GRIP1: variants seen among roughly 807,000 people sequenced by gnomAD.
GRIP1 encodes glutamate receptor interacting protein 1.
A neutral mutation model predicts 129.9 loss-of-function variants in GRIP1; 45 were observed. The ratio of observed to expected loss-of-function variants is 0.35; its 90% confidence interval spans 0.27 to 0.44. The LOEUF is 0.44. Among genes scored for constraint, GRIP1 ranks in the 20% least tolerant of loss-of-function variants. The probability of loss-of-function intolerance (pLI) is 1.00; values close to 1 mark genes in which losing one functional copy is unlikely to be tolerated. For synonymous variants in GRIP1, 530 were observed against 520.8 expected (o/e 1.02, Z -0.24); for missense variants, 1,196 against 1,396.8 (o/e 0.86, Z 2.29).
At position 66,392,331 on chromosome 12, in the gene GRIP1, A is replaced by G; in HGVS notation, c.2441T>C (p.Ile814Thr). ...ACCTTGAGTTCCATAGCTGGTGTCT[A>G]TTGCAGACCCATCCCATGAATCCAC... The part of the protein sequence containing the change: ...SAVDSWDGSA[I>T]DTSYGTQGTS... Residue 814 changes from isoleucine (I) to threonine (T), a missense_variant, in exon 19 of 25, where the codon ATA (isoleucine) becomes ACA (threonine). Transcript: ENST00000359742. 1 of 1,610,934 alleles carries G rather than the reference A, an allele frequency of 6.2e-7. No individual in the cohort carries two copies. The highest frequency in any genetic ancestry group is 8.5e-7 in the Non-Finnish European group (1 of 1,177,072).
At chr12:66,649,201 T>A (rs2032603625) in intron 1 of GRIP1, among the ~76,000 whole-genome samples, 1 of 152,228 alleles carries the variant, frequency 6.6e-6, no homozygotes, top group Admixed American at 6.5e-5. Context: ...TCTGGCTCGA[T>A]TCTCTTGATA....
chr12:66,895,575 T>C (rs1202971845), intron 1 of GRIP1, among the ~76,000 whole-genome samples: 1 of 152,188 alleles, frequency 6.6e-6, no homozygotes, highest in Non-Finnish European at 1.5e-5. Context: ...CCCTTGTTTC[T>C]ACCTGAGCCC....
At chr12:66,535,869 T>A (rs995402240) in intron 4 of GRIP1, among the ~76,000 whole-genome samples, 1 of 152,154 alleles carries the variant, frequency 6.6e-6, no homozygotes, top group Non-Finnish European at 1.5e-5. Flanking sequence ...ACAGTACAGA[T>A]CTTTCTCTCA....
At position 66,379,285 on chromosome 12, in the gene GRIP1, G is replaced by T; in HGVS notation, c.2616C>A (p.Ala872=). ...LSYEDWDRST[A]SGFAGAADSA... ...GCATTGGTTGAAAACCTTACCCACT[G>T]GCTGTGGACCGGTCCCAGTCTTCAT... Residue 872 remains alanine (A), a synonymous_variant, in exon 20 of 25, where the codon GCC becomes GCA. Coordinates refer to ENST00000359742, the MANE Select transcript of GRIP1 (RefSeq NM_001366722.1). 1 of 1,613,778 alleles carries T rather than the reference G, an allele frequency of 6.2e-7. No homozygotes were observed. The highest frequency in any genetic ancestry group is 1.1e-5 in the South Asian group (1 of 91,060).
intron 1 of GRIP1, among the ~76,000 whole-genome samples, chr12:67,065,711 A>C (rs1254224234): frequency 6.6e-6 from 1 of 152,234 alleles, no homozygotes; most frequent in Non-Finnish European, 1.5e-5. Context: ...TACTAATCAA[A>C]GGCACACAAG....
chr12:66,723,333 GAC>G (rs1275931835), intron 1 of GRIP1, among the ~76,000 whole-genome samples: 1 of 87,512 alleles, frequency 1.1e-5, no homozygotes, highest in Non-Finnish European at 2.2e-5. Flanking sequence ...TTTTTTTTGA[GAC>G]AGAGTCTCAC....
At chr12:66,954,873 G>A (rs1459516371) in intron 1 of GRIP1, among the ~76,000 whole-genome samples, 1 of 152,094 alleles carries the variant, frequency 6.6e-6, no homozygotes, top group Non-Finnish European at 1.5e-5. Flanking sequence ...GCAAGGAGGG[G>A]AGGAGAAAAG....
chr12:66,663,161 A>T (rs1203852835), intron 1 of GRIP1, among the ~76,000 whole-genome samples: 1 of 151,962 alleles, frequency 6.6e-6, no homozygotes. Flanking sequence ...ATCATTCTTT[A>T]TGTCATTGTT....
chr12:67,014,771 G>A (rs2042761112), intron 1 of GRIP1, among the ~76,000 whole-genome samples: 1 of 152,062 alleles, frequency 6.6e-6, no homozygotes, highest in Non-Finnish European at 1.5e-5. Context: ...CAATTTACTT[G>A]ATCACAGAAA....
At chr12:66,581,761 C>T (rs2063391007) in intron 2 of GRIP1, among the ~76,000 whole-genome samples, 1 of 152,118 alleles carries the variant, frequency 6.6e-6, no homozygotes, top group Admixed American at 6.5e-5. Flanking sequence ...TGGCAATAAT[C>T]AATAGCTTTC....
intron 1 of GRIP1, among the ~76,000 whole-genome samples, chr12:66,876,458 A>C (rs183507082): frequency 1.8e-3 from 273 of 152,188 alleles, no homozygotes; most frequent in Non-Finnish European, 3.4e-3. Context: ...GCCTAAACCT[A>C]GTAAATGACA....
upstream of GRIP1, among the ~76,000 whole-genome samples, chr12:66,682,510 G>C (rs2034625085): frequency 6.6e-6 from 1 of 152,060 alleles, no homozygotes; most frequent in Non-Finnish European, 1.5e-5. Flanking sequence ...CCTTAAGATT[G>C]GCTCAAAGAT....
intron 1 of GRIP1, among the ~76,000 whole-genome samples, chr12:66,611,750 A>T (rs755839578): frequency 2.0e-5 from 3 of 152,126 alleles, no homozygotes; most frequent in Non-Finnish European, 4.4e-5. Flanking sequence ...CCATCAGCAA[A>T]GATAAGCTGG....
chr12:66,685,731 T>C (rs2034761447), intron 1 of GRIP1, among the ~76,000 whole-genome samples: 1 of 152,200 alleles, frequency 6.6e-6, no homozygotes, highest in African/African-American at 2.4e-5. Context: ...TGAAGTAGTT[T>C]ATTGACAGTA....
At chr12:66,658,811 C>A (rs2033325090) in intron 1 of GRIP1, among the ~76,000 whole-genome samples, 1 of 151,706 alleles carries the variant, frequency 6.6e-6, no homozygotes, top group South Asian at 2.1e-4. Flanking sequence ...GTGTTCCCAA[C>A]TACCTGGGAG....
intron 1 of GRIP1, among the ~76,000 whole-genome samples, chr12:66,886,617 A>G (rs1241563932): frequency 2.0e-5 from 3 of 152,152 alleles, no homozygotes; most frequent in African/African-American, 7.2e-5. Context: ...GCTCCCATCT[A>G]CAGCACCCAT....
At chr12:66,521,081 A>G (rs1489605154) in intron 5 of GRIP1, among the ~76,000 whole-genome samples, 3 of 152,320 alleles carry the variant, frequency 2.0e-5, no homozygotes. Flanking sequence ...GAAAAATGTA[A>G]TAACTACAAG....
At chr12:66,402,944 C>T (rs530213402) in intron 16 of GRIP1, among the ~76,000 whole-genome samples, 1 of 152,238 alleles carries the variant, frequency 6.6e-6, no homozygotes, top group Non-Finnish European at 1.5e-5. Flanking sequence ...AGATAGTCCC[C>T]ACTTATTGAG....
chr12:66,563,953 GC>G (rs1308140171), intron 2 of GRIP1: 2 of 151,718 alleles, frequency 1.3e-5, no homozygotes, highest in Non-Finnish European at 2.9e-5. Context: ...ACATTTCCTA[GC>G]CCAAGGCTTG....
Sources: allele counts gnomAD v4.1 joint callset (sites outside exome capture counted in the v4.1 genomes callset), GRCh38; gene constraint gnomAD v4.1.1; transcripts MANE v1.5; gene names NCBI Gene and HGNC (gene_info 2026-07-23, HGNC 2026-07-21).